Variants in FBN2 observed in about 807,000 individuals in gnomAD.
FBN2 encodes fibrillin-2.
Under a neutral mutation model 355.6 loss-of-function variants are expected in FBN2, and 105 were observed. That is an observed-to-expected ratio of 0.30 (90% CI 0.25 to 0.35). FBN2 has a LOEUF of 0.35. Among genes scored for constraint, FBN2 ranks in the 10% least tolerant of loss-of-function variants. The pLI is 1.00. For synonymous variants in FBN2, 1,350 were observed against 1,301.2 expected, an observed-to-expected ratio of 1.04 and a Z score of -0.81; for missense variants, 3,280 against 3,758.7, an observed-to-expected ratio of 0.87 and a Z score of 3.33.
chr5:128,351,043 C>G (rs10463843), intron 20 of FBN2, 38 bp from the exon 21 acceptor site: 1 of 1,613,098 alleles, frequency 6.2e-7, no homozygotes. Flanking sequence ...GCTCTTACCT[C>G]TGAAGAAAAT....
chr5:128,270,115 ATGGTGC>A, intron 62 of FBN2, among the ~76,000 whole-genome samples: 1 of 152,326 alleles, frequency 6.6e-6, no homozygotes, highest in East Asian at 1.9e-4. Context: ...TATTCAGTAA[ATGGTGC>A]TGGGAAAGCT....
At chr5:128,499,703 C>A (rs531133293) in intron 5 of FBN2, among the ~76,000 whole-genome samples, 148 of 152,196 alleles carry the variant, frequency 9.7e-4, no homozygotes, top group African/African-American at 3.4e-3. Flanking sequence ...ATTTTTCAAA[C>A]AAGAAATTAC....
chr5:128,507,324 A>G (rs1303617724), intron 5 of FBN2, among the ~76,000 whole-genome samples: 2 of 152,086 alleles, frequency 1.3e-5, no homozygotes, highest in African/African-American at 4.8e-5. Flanking sequence ...GGATGCCCAG[A>G]GATACCGAAA....
chr5:128,261,099 G>C (rs1764952831), intron 64 of FBN2, among the ~76,000 whole-genome samples: 1 of 152,166 alleles, frequency 6.6e-6, no homozygotes, highest in Non-Finnish European at 1.5e-5. Flanking sequence ...GAGGTTGAGA[G>C]AAGTTAAATA....
Position 128,374,892 on chromosome 5 carries a change from G to T in FBN2, c.1973-142C>A, listed in dbSNP as rs140940163. 1,152 of 833,906 alleles carry T rather than the reference G, an allele frequency of 1.4e-3. 1 individual carries two copies. Among genetic ancestry groups the T allele is most frequent in the Non-Finnish European group, 2.1e-3 (1,068 of 518,032 alleles). The allele number at this position is 833,906 out of a possible 1,614,324, so 51.7% of individuals were successfully genotyped here. On this transcript the variant is annotated intron_variant, in intron 14 of 64. Transcript: ENST00000262464. ...TGAAGAACAAATAAGTGTGGTAACA[G>T]GTATCATATACAAATGCAATCCTTT...
At chr5:128,414,501 A>G (rs1471635457) in intron 7 of FBN2, among the ~76,000 whole-genome samples, 1 of 152,192 alleles carries the variant, frequency 6.6e-6, no homozygotes, top group Non-Finnish European at 1.5e-5. Flanking sequence ...TTGTATGGAT[A>G]TACCACAGTT....
At chr5:128,310,547 T>C (rs910731816) in intron 39 of FBN2, among the ~76,000 whole-genome samples, 2 of 151,746 alleles carry the variant, frequency 1.3e-5, no homozygotes, top group South Asian at 4.1e-4. Flanking sequence ...CTTTGTAGCT[T>C]CTTTCAAATT....
chr5:128,287,531 T>A, intron 53 of FBN2, 101 bp from the exon 54 acceptor site: 1 of 1,280,662 alleles, frequency 7.8e-7, no homozygotes, highest in Non-Finnish European at 1.1e-6. Context: ...CACAAAGCAA[T>A]AGAATAGTAG....
intron 5 of FBN2, among the ~76,000 whole-genome samples, chr5:128,506,536 G>A (rs1276541183): frequency 2.0e-5 from 3 of 152,084 alleles, no homozygotes; most frequent in African/African-American, 7.2e-5. Context: ...TTACTTATGA[G>A]CTCCAGTAGA....
rs1978439 is a variant in FBN2, at chr5:128,309,637, T to G, written c.5201-238A>C. Reference sequence around the variant, plus strand: ...CTTGGGAGACAATGTTAATACATATTTGTTTTTCTCTCAAAATCATTTATT... The same window carrying G: ...CTTGGGAGACAATGTTAATACATATGTGTTTTTCTCTCAAAATCATTTATT... On this transcript the variant is annotated intron_variant, in intron 40 of 64. Transcript: ENST00000262464. Among the ~76,000 whole-genome samples, 12,112 of 152,230 alleles carry G rather than the reference T, an allele frequency of 0.08. 624 individuals carry two copies. Among genetic ancestry groups the G allele is most frequent in the Non-Finnish European group, 0.12 (7,823 of 67,992 alleles).
chr5:128,445,514 C>A (rs904605716), intron 7 of FBN2, among the ~76,000 whole-genome samples: 4 of 152,030 alleles, frequency 2.6e-5, no homozygotes, highest in African/African-American at 9.7e-5. Context: ...TTCCCATTTT[C>A]TTTTTTACAA....
Position 128,402,823 on chromosome 5 carries a change from T to C in FBN2, c.1078+5851A>G, listed in dbSNP as rs527720824. 1.9e-3 allele frequency among the ~76,000 whole-genome samples: 282 copies of C among 152,312 alleles called. 2 individuals carry two copies. The highest frequency in any genetic ancestry group is 6.8e-3 in the Middle Eastern group (2 of 294). On this transcript the variant is annotated intron_variant, in intron 8 of 64. Transcript: ENST00000262464. ...TCCAGCCTGGGCTCCCCTTGATTGATTTTGCGGATTCTTACTATTCCTAAA... is the reference window on the plus strand; with the variant it reads ...TCCAGCCTGGGCTCCCCTTGATTGACTTTGCGGATTCTTACTATTCCTAAA...
At chr5:128,310,129 T>C (rs1359260081) in intron 39 of FBN2, 21 bp from the exon 40 acceptor site, 4 of 1,582,718 alleles carry the variant, frequency 2.5e-6, no homozygotes, top group Non-Finnish European at 3.5e-6. Flanking sequence ...CAAGAATATC[T>C]ATTAATTAAT....
chr5:128,368,475 TACATATATATAC>T (rs1483500096), intron 16 of FBN2, among the ~76,000 whole-genome samples: 1 of 146,914 alleles, frequency 6.8e-6, no homozygotes, highest in Non-Finnish European at 1.5e-5. Flanking sequence ...TACATATATA[TACATATATATAC>T]ACATATATAT....
chr5:128,502,125 C>A (rs529702982), intron 5 of FBN2, among the ~76,000 whole-genome samples: 1 of 151,686 alleles, frequency 6.6e-6, no homozygotes, highest in Admixed American at 6.6e-5. Context: ...TTCTTCATAG[C>A]ACACACAATG....
At chr5:128,319,528 GTTAA>G (rs1368669436) in intron 34 of FBN2, among the ~76,000 whole-genome samples, 5 of 151,548 alleles carry the variant, frequency 3.3e-5, no homozygotes, top group East Asian at 3.9e-4. Context: ...AATAAATTTA[GTTAA>G]TTAAATAAAT....
chr5:128,264,561 A>G (rs192346269), intron 62 of FBN2, among the ~76,000 whole-genome samples: 12 of 152,354 alleles, frequency 7.9e-5, no homozygotes, highest in Non-Finnish European at 1.3e-4. Flanking sequence ...TTTGGAGATT[A>G]TAAGTTTGCC....
At chr5:128,447,018 A>G (rs543322159) in intron 6 of FBN2, among the ~76,000 whole-genome samples, 34 of 152,320 alleles carry the variant, frequency 2.2e-4, no homozygotes, top group Non-Finnish European at 4.4e-4. Context: ...TGAAGATTTC[A>G]TGGACATTTA....
At chr5:128,446,226 G>A (rs1375630729) in intron 7 of FBN2, 1 of 347,808 alleles carries the variant, frequency 2.9e-6, no homozygotes, top group African/African-American at 2.1e-5. Flanking sequence ...AACATAAATG[G>A]CTGGATTACT....
Sources: allele counts gnomAD v4.1 joint callset (sites outside exome capture counted in the v4.1 genomes callset), GRCh38; gene constraint gnomAD v4.1.1; transcripts MANE v1.5; gene names NCBI Gene and HGNC (gene_info 2026-07-23, HGNC 2026-07-21).